The following MOCS1 variants were observed in gnomAD, a reference collection of about 807,000 sequenced individuals.
MOCS1 encodes the protein molybdenum cofactor biosynthesis protein 1.
In MOCS1, 39 loss-of-function variants were observed where a neutral mutation model predicts 57.6. The ratio of observed to expected loss-of-function variants is 0.68; its 90% CI spans 0.52 to 0.88. The LOEUF (loss-of-function observed/expected upper bound fraction) is 0.88, where lower values mean the gene tolerates loss of function less well. MOCS1 is among the 40% of genes least tolerant of loss of function. The pLI, the probability that MOCS1 is intolerant of heterozygous loss-of-function variation, is 0.00. For synonymous variants in MOCS1, 334 were observed against 335.7 expected (o/e 1.00, Z 0.05); for missense variants, 795 against 831.1 (o/e 0.96, Z 0.53).
chr6:39,934,228 G>A (rs1768790887), intron 1 of MOCS1, 67 bp downstream of exon 1: 3 of 1,465,622 alleles, frequency 2.0e-6, no homozygotes, highest in African/African-American at 2.8e-5. Context: ...GCTACTGGGG[G>A]AAAAGGGCAG....
intron 8 of MOCS1, among the ~76,000 whole-genome samples, chr6:39,911,803 G>A (rs189654187): frequency 3.6e-4 from 55 of 152,314 alleles, no homozygotes; most frequent in African/African-American, 1.2e-3. Flanking sequence ...GCCTCTGTTT[G>A]GTCTTGCCTG....
intron 2 of MOCS1, chr6:39,927,067 T>TC (rs1768358433): frequency 4.4e-6 from 2 of 449,876 alleles, no homozygotes; most frequent in African/African-American, 4.0e-5. Context: ...AGGTCCAGGA[T>TC]CCAATCTTAA....
chr6:39,928,863 GCAACTATGCCTA>G (rs1023088424), intron 1 of MOCS1, among the ~76,000 whole-genome samples: 1 of 152,134 alleles, frequency 6.6e-6, no homozygotes, highest in African/African-American at 2.4e-5. Context: ...AAGGTCTAGC[GCAACTATGCCTA>G]CAATTAGGAG....
At position 39,912,905 on chromosome 6, in the gene MOCS1, G is replaced by T. The variant is rs2149403532; in HGVS notation, c.857C>A (p.Ser286Tyr). Residue 286 changes from serine to tyrosine, a missense_variant, in exon 7 of 11, where the codon TCC becomes TAC. Around this residue, in one of 3 missense-constraint regions of MOCS1, gnomAD observed 416 missense variants for 392.4 expected, o/e 1.06. Coordinates refer to ENST00000340692, the MANE Select transcript of MOCS1 (RefSeq NM_001358530.2). ...PELEKVPEEE[S>Y]STAKAFKIPG... is the part of the protein sequence containing the mutation. The stretch of plus-strand genomic sequence containing the variant: ...CTGCTCCCTAACCTTGGCTGTGCTG[G>T]ATTCCTCCTCTGGCACCTTCTCCAG... The T allele has an allele frequency of 6.2e-7, 1 of 1,614,066 alleles. No individual in the cohort carries two copies. The highest frequency in any genetic ancestry group is 1.1e-5 in the South Asian group (1 of 91,072).
rs1408159753 is a variant in MOCS1 at position 39,904,950 on chromosome 6, C to T, written c.*1407G>A. On this transcript the variant is annotated 3_prime_UTR_variant, in exon 11 of 11. Coordinates refer to ENST00000340692, the MANE Select transcript of MOCS1 (RefSeq NM_001358530.2). ...GTGTGCTGGAGCCAGCTTGTACCAG[C>T]TCTGTGAGAACCAATTGTTTACATT... is the stretch of plus-strand genomic sequence containing the variant. 2.2e-6 allele frequency: 1 copy of T among 453,964 alleles called. No homozygotes were observed. Among genetic ancestry groups the T allele is most frequent in the African/African-American group, 2.0e-5 (1 of 49,956 alleles). 28.1% of individuals were successfully genotyped at this position (453,964 alleles called of 1,614,324 possible). A position where few individuals can be genotyped will look rare whatever the true frequency, so the allele number is the denominator to read the frequency against.
Position 39,917,854 on chromosome 6 carries a change from C to A in MOCS1, c.419-1622G>T, listed in dbSNP as rs150072937. Among the ~76,000 whole-genome samples, 220 of 152,156 alleles carry A rather than the reference C, an allele frequency of 1.4e-3. 1 individual carries two copies. The highest frequency in any genetic ancestry group is 5.0e-3 in the African/African-American group (206 of 41,510). ...TTACAAGAAGAAAAAACTTGAGAAG[C>A]AGAATGAACACAGGAATGAATGAGC... On this transcript the variant is annotated intron_variant, in intron 3 of 10. Coordinates refer to ENST00000340692, the MANE Select transcript of MOCS1 (RefSeq NM_001358530.2).
rs1766851511 is a variant in MOCS1, at chr6:39,905,722, G to T, written c.*635C>A. 1 of 471,006 alleles carries T rather than the reference G, an allele frequency of 2.1e-6. No individual in the cohort carries two copies. The highest frequency in any genetic ancestry group is 6.9e-5 in the East Asian group (1 of 14,398). The allele number at this position is 471,006 out of a possible 1,614,324, so 29.2% of individuals were successfully genotyped here. On this transcript the variant is annotated 3_prime_UTR_variant, in exon 11 of 11. Coordinates refer to ENST00000340692, the MANE Select transcript of MOCS1 (RefSeq NM_001358530.2). ...GTGCACATCCTGTTTCAGAAGAGGG[G>T]GGCCAGAGGAAAAGGGGCCAGCAGG...
chr6:39,928,498 CAG>C (rs1319226649), intron 1 of MOCS1, among the ~76,000 whole-genome samples: 3 of 152,166 alleles, frequency 2.0e-5, no homozygotes, highest in Admixed American at 6.5e-5. Flanking sequence ...CCTTCTATCA[CAG>C]AGAGAGTCCA....
intron 1 of MOCS1, among the ~76,000 whole-genome samples, chr6:39,933,433 G>T (rs1408115965): frequency 1.3e-5 from 2 of 152,096 alleles, no homozygotes; most frequent in African/African-American, 4.8e-5. Context: ...TTTGGCGGAA[G>T]TCATTGAGCA....
At position 39,906,606 on chromosome 6, in the gene MOCS1, G is replaced by A. The variant is rs762743888; in HGVS notation, c.1662C>T (p.Cys554=). 1 of 1,613,882 alleles carries A rather than the reference G, an allele frequency of 6.2e-7. No individual in the cohort carries two copies. The highest frequency in any genetic ancestry group is 8.5e-7 in the Non-Finnish European group (1 of 1,180,044). The change falls in exon 11 of 11, where the codon TGC becomes TGT. Residue 554 remains cysteine, a synonymous_variant. Transcript: ENST00000340692. ...GGATGTGGCTCAGGGCCACGTGGTG[G>A]CACAGAGGGATCAGCTGGCTGGTCA... is the stretch of plus-strand genomic sequence containing the variant. ...AKVTSQLIPL[C]HHVALSHIQV...
At position 39,907,081 on chromosome 6, in the gene MOCS1, T is replaced by G. The variant is rs766313537; in HGVS notation, c.1187A>C (p.Asn396Thr). Residue 396 changes from asparagine to threonine, a missense_variant, in exon 11 of 11, where the codon AAT becomes ACT. By Grantham distance (65) the Asn-to-Thr change is moderately conservative (BLOSUM62 0). Around this residue, in one of 3 missense-constraint regions of MOCS1, gnomAD observed 374 missense variants for 422.6 expected, o/e 0.89. Coordinates refer to ENST00000340692, the MANE Select transcript of MOCS1 (RefSeq NM_001358530.2). ...CGGGTCCCAGGAGAAAATGCTTGGA[T>G]TGGCTGGTGGGGAATTGGGGAACAT... ...FLMFPNSPPA[N>T]PSIFSWDPLH... 2 of 1,613,152 alleles carry G rather than the reference T, an allele frequency of 1.2e-6. No individual in the cohort carries two copies. The highest frequency in any genetic ancestry group is 2.7e-5 in the African/African-American group (2 of 74,838).
At chr6:39,911,697 C>G (rs780651430) in intron 8 of MOCS1, among the ~76,000 whole-genome samples, 24 of 152,012 alleles carry the variant, frequency 1.6e-4, no homozygotes, top group Non-Finnish European at 2.9e-4. Context: ...ACCCATTCTT[C>G]AAGGCTCGCT....
intron 10 of MOCS1, among the ~76,000 whole-genome samples, chr6:39,908,046 G>A (rs997245152): frequency 1.3e-5 from 2 of 152,242 alleles, no homozygotes; most frequent in African/African-American, 2.4e-5. Context: ...CCATGAAGGT[G>A]CCTCAGCATG....
chr6:39,910,633 C>A (rs571344164), intron 8 of MOCS1, among the ~76,000 whole-genome samples: 1 of 152,302 alleles, frequency 6.6e-6, no homozygotes, highest in East Asian at 1.9e-4. Flanking sequence ...ACTGTGGCCA[C>A]AGAGAAAGAA....
rs148576411 is a variant in MOCS1, at chr6:39,914,458, G to A, written c.584-623C>T. Among the ~76,000 whole-genome samples the A allele has an allele frequency of 3.4e-3, 517 of 152,226 alleles. 2 individuals are homozygous for A. The highest frequency in any genetic ancestry group is 0.012 in the African/African-American group (494 of 41,534). On this transcript the variant is annotated intron_variant, in intron 4 of 10. Coordinates refer to ENST00000340692, the MANE Select transcript of MOCS1 (RefSeq NM_001358530.2). ...CACATACTCTCTGAGCACCTACTACGCACAGGTGCTGTTCCAGGGCTGGTA... is the reference window on the plus strand; with the variant it reads ...CACATACTCTCTGAGCACCTACTACACACAGGTGCTGTTCCAGGGCTGGTA...
At chr6:39,915,985 G>A in intron 4 of MOCS1, 83 bp downstream of exon 4, 2 of 1,467,018 alleles carry the variant, frequency 1.4e-6, no homozygotes, top group South Asian at 1.2e-5. Context: ...AAGTGACCAG[G>A]CCCCTGGCTC....
At chr6:39,919,447 C>A (rs908079165) in intron 3 of MOCS1, among the ~76,000 whole-genome samples, 2 of 151,898 alleles carry the variant, frequency 1.3e-5, no homozygotes, top group African/African-American at 4.8e-5. Context: ...GAGATCGTGT[C>A]ATTGCACTCC....
At position 39,912,922 on chromosome 6, in the gene MOCS1, C is replaced by T. The variant is rs900652507; in HGVS notation, c.840G>A (p.Lys280=). Residue 280 remains lysine, a synonymous_variant, in exon 7 of 11, where the codon AAG becomes AAA. Coordinates refer to ENST00000340692, the MANE Select transcript of MOCS1 (RefSeq NM_001358530.2). ...TVRQQWPELE[K]VPEEESSTAK... is the part of the protein sequence containing the mutation. ...CTGTGCTGGATTCCTCCTCTGGCAC[C>T]TTCTCCAGCTCTGGCCACTGCTGCC... 9 of 1,614,074 alleles carry T rather than the reference C, an allele frequency of 5.6e-6. No homozygotes were observed. Among genetic ancestry groups the T allele is most frequent in the Admixed American group, 3.3e-5 (2 of 60,004 alleles).
chr6:39,918,852 A>T (rs2149410289), intron 3 of MOCS1, among the ~76,000 whole-genome samples: 1 of 151,214 alleles, frequency 6.6e-6, no homozygotes, highest in South Asian at 2.1e-4. Context: ...AAAAAAAAAT[A>T]ATAAAGTTTA....
Sources: allele counts gnomAD v4.1 joint callset (sites outside exome capture counted in the v4.1 genomes callset), GRCh38; gene constraint gnomAD v4.1.1; regional missense constraint gnomAD v4.1.1; transcripts MANE v1.5; gene names NCBI Gene and HGNC (gene_info 2026-07-23, HGNC 2026-07-21).